Variants in PCID2 observed in about 807,000 individuals in gnomAD.
PCID2 encodes PCI domain-containing protein 2.
Under a neutral mutation model 61.3 loss-of-function variants are expected in PCID2, and 41 were observed. The observed-to-expected ratio is 0.67, with a 90% CI of 0.52 to 0.87. The LOEUF (loss-of-function observed/expected upper bound fraction) is 0.87, where lower values mean the gene tolerates loss of function less well. Ranked by LOEUF, PCID2 falls within the 40% of genes least tolerant of loss-of-function variation. The probability of loss-of-function intolerance (pLI) is 0.00; values close to 1 mark genes in which losing one functional copy is unlikely to be tolerated. For missense variants in PCID2, 392 were observed against 493.4 expected (o/e 0.79, Z 1.95); for synonymous variants, 187 against 177.8 (o/e 1.05, Z -0.41).
the PCID2 span, among the ~76,000 whole-genome samples, chr13:113,169,212 A>G: frequency 1.3e-5 from 2 of 152,340 alleles, no homozygotes; most frequent in Non-Finnish European, 1.5e-5. Flanking sequence ...AAGGTCATCA[A>G]TCTGTTCTTC....
At chr13:113,176,583 C>G (rs1188976090), downstream of PCID2, among the ~76,000 whole-genome samples, 1 of 4,248 alleles carries the variant, frequency 2.4e-4, no homozygotes, top group Non-Finnish European at 9.4e-3. Context: ...GCAATATTAG[C>G]AAGACGCTGT....
intron 7 of PCID2, 34 bp from the exon 8 acceptor site, chr13:113,185,594 G>A (rs1348844476): frequency 2.2e-6 from 3 of 1,366,502 alleles, no homozygotes; most frequent in Non-Finnish European, 2.1e-6. Context: ...AGTTACATAG[G>A]AAATAAAAAT....
intron 10 of PCID2, among the ~76,000 whole-genome samples, chr13:113,180,447 G>A (rs2037530925): frequency 6.6e-6 from 1 of 152,184 alleles, no homozygotes; most frequent in Non-Finnish European, 1.5e-5. Flanking sequence ...CATGACACGT[G>A]ACCTTGATCT....
Position 113,178,062 on chromosome 13 carries a change from C to T in PCID2, c.*136G>A. ...AACTCGGGTGTGCTGAAAATCTCAGCCTCAGCATCCCTGGGAAAAGCGCCT... is the reference window on the plus strand; with the variant it reads ...AACTCGGGTGTGCTGAAAATCTCAGTCTCAGCATCCCTGGGAAAAGCGCCT... On this transcript the variant is annotated 3_prime_UTR_variant, in exon 14 of 14. Transcript: ENST00000337344. 1.8e-6 allele frequency: 1 copy of T among 560,312 alleles called. No homozygotes were observed. The highest frequency in any genetic ancestry group is 3.2e-6 in the Non-Finnish European group (1 of 311,090). The allele number at this position is 560,312 out of a possible 1,614,324, so 34.7% of individuals were successfully genotyped here.
At chr13:113,196,854 G>A (rs961368146) in intron 4 of PCID2, among the ~76,000 whole-genome samples, 2 of 152,168 alleles carry the variant, frequency 1.3e-5, no homozygotes, top group Non-Finnish European at 2.9e-5. Context: ...TGGATTTCTG[G>A]TATTTCACCA....
At chr13:113,203,437 A>G (rs190104295) in intron 1 of PCID2, among the ~76,000 whole-genome samples, 5 of 152,276 alleles carry the variant, frequency 3.3e-5, no homozygotes, top group African/African-American at 9.6e-5. Flanking sequence ...AGGTTTAGGG[A>G]TTTCATCTAA....
chr13:113,184,554 T>G (rs1448755813), intron 8 of PCID2, 67 bp from the exon 9 acceptor site: 1 of 857,370 alleles, frequency 1.2e-6, no homozygotes. Flanking sequence ...AACAAATTAC[T>G]AAGCATGTCT....
chr13:113,185,818 C>T (rs914296693), intron 7 of PCID2: 2 of 349,812 alleles, frequency 5.7e-6, no homozygotes, highest in African/African-American at 4.2e-5. Context: ...AACATCCTTC[C>T]TCCGCGGCAC....
At chr13:113,171,797 C>T in the PCID2 span, 2 of 1,613,524 alleles carry the variant, frequency 1.2e-6, no homozygotes, top group African/African-American at 1.3e-5. The surrounding 1 kb of genome is among the most constrained non-coding windows in gnomAD (Gnocchi z 5.1). Context: ...CACCAGGGGC[C>T]TCCTCAGCGG....
chr13:113,198,728 G>A (rs1213404121), intron 2 of PCID2, among the ~76,000 whole-genome samples: 3 of 150,256 alleles, frequency 2.0e-5, no homozygotes, highest in East Asian at 1.9e-4. Context: ...TAAATAAATG[G>A]TTCATTACTT....
At chr13:113,172,945 T>C (rs2037141537), downstream of PCID2, among the ~76,000 whole-genome samples, 1 of 151,952 alleles carries the variant, frequency 6.6e-6, no homozygotes, top group African/African-American at 2.4e-5. Context: ...CCTTCAAAAC[T>C]CCAAAATTGG....
chr13:113,175,745 C>A (rs2037175246), downstream of PCID2, among the ~76,000 whole-genome samples: 1 of 152,186 alleles, frequency 6.6e-6, no homozygotes, highest in Non-Finnish European at 1.5e-5. Flanking sequence ...CAGGCACAGG[C>A]GCTTGCCTTC....
At chr13:113,199,837 C>T (rs1366491606) in intron 2 of PCID2, among the ~76,000 whole-genome samples, 1 of 152,186 alleles carries the variant, frequency 6.6e-6, no homozygotes. Context: ...CAAGTCTGTA[C>T]ACCGCCAAAC....
chr13:113,194,278 T>C (rs2038841400), intron 6 of PCID2, among the ~76,000 whole-genome samples: 1 of 152,206 alleles, frequency 6.6e-6, no homozygotes, highest in Non-Finnish European at 1.5e-5. Flanking sequence ...CTTGCTGGAT[T>C]GGACTGTCTT....
chr13:113,202,009 C>G (rs2039471463), intron 1 of PCID2, among the ~76,000 whole-genome samples: 1 of 152,192 alleles, frequency 6.6e-6, no homozygotes, highest in Admixed American at 6.5e-5. Context: ...TCCCTCTACA[C>G]ACCCACAAGA....
chr13:113,171,678 A>T, the PCID2 span: 3,879 of 1,613,960 alleles, frequency 2.4e-3, 9 homozygotes, highest in Non-Finnish European at 3.0e-3. This position sits in a 1 kb window ranked among gnomAD's most constrained non-coding sequence, Gnocchi z 5.1. Flanking sequence ...GACGCGGGGG[A>T]GAATGACCTG....
Position 113,208,635 on chromosome 13 carries a change from G to T in PCID2, c.-1C>A. The T allele has an allele frequency of 1.2e-6, 2 of 1,607,524 alleles. No homozygotes were observed. The highest frequency in any genetic ancestry group is 2.2e-5 in the East Asian group (1 of 44,490). On this transcript the variant is annotated 5_prime_UTR_variant, in exon 1 of 14. Coordinates refer to ENST00000337344, the MANE Select transcript of PCID2 (RefSeq NM_001127202.4). Reference sequence around the variant, plus strand: ...ACTGGTTAATGGTAATGTGCGCCATGGGAGCGCCGCCGAACGGAGAGCGCC... The same window carrying T: ...ACTGGTTAATGGTAATGTGCGCCATTGGAGCGCCGCCGAACGGAGAGCGCC...
chr13:113,171,515 C>T, the PCID2 span: 1 of 1,586,248 alleles, frequency 6.3e-7, no homozygotes, highest in Non-Finnish European at 8.6e-7. This position sits in a 1 kb window ranked among gnomAD's most constrained non-coding sequence, Gnocchi z 5.1. Context: ...CCTCACGTGG[C>T]TCCCTGAGAA....
At chr13:113,181,000 T>C in intron 10 of PCID2, 130 bp downstream of exon 10, 1 of 625,712 alleles carries the variant, frequency 1.6e-6, no homozygotes, top group Non-Finnish European at 2.9e-6. Flanking sequence ...CTTCTTTATT[T>C]TGGGGTGTGC....
Sources: gnomAD v4.1 joint callset for allele counts (sites outside exome capture counted in the v4.1 genomes callset) on GRCh38, gnomAD v4.1.1 for gene constraint, Gnocchi (gnomAD v3.1) non-coding constraint, MANE v1.5 for transcripts, NCBI Gene and HGNC (gene_info 2026-07-23, HGNC 2026-07-21) for gene names.